Variants in ALG9 observed in about 807,000 individuals in gnomAD.
ALG9 encodes the protein ALG9 alpha-1,2-mannosyltransferase.
Under a neutral mutation model 81.8 loss-of-function variants are expected in ALG9, and 55 were observed. That is an observed-to-expected ratio of 0.67 (90% CI 0.54 to 0.84). ALG9 has a LOEUF of 0.84. ALG9 is among the 40% of genes least tolerant of loss of function. The pLI, the probability that ALG9 is intolerant of heterozygous loss-of-function variation, is 0.00. For missense variants in ALG9, 629 were observed against 745.0 expected, an observed-to-expected ratio of 0.84 and a Z score of 1.81; for synonymous variants, 278 against 274.3, an observed-to-expected ratio of 1.01 and a Z score of -0.13.
chr11:111,830,546 G>A (rs623491), intron 13 of ALG9, among the ~76,000 whole-genome samples: 97,295 of 152,040 alleles, frequency 0.64, 31,194 homozygotes, highest in East Asian at 0.77. Flanking sequence ...TAACTTTAGA[G>A]AAGTATTTTG....
chr11:111,840,952 T>G (rs1239916853), intron 9 of ALG9, 143 bp from the exon 10 acceptor site: 6 of 979,600 alleles, frequency 6.1e-6, no homozygotes, highest in Non-Finnish European at 9.3e-6. Context: ...TCACACTTTC[T>G]CCAATGCCAT....
intron 5 of ALG9, among the ~76,000 whole-genome samples, chr11:111,860,312 A>G (rs530630632): frequency 6.6e-6 from 1 of 152,342 alleles, no homozygotes; most frequent in South Asian, 2.1e-4. Context: ...TTACCTGCAA[A>G]AGTGAGAAAA....
At chr11:111,780,587 GGGTTTCACCGTGTA>G (rs1945878763), downstream of ALG9, among the ~76,000 whole-genome samples, 1 of 151,830 alleles carries the variant, frequency 6.6e-6, no homozygotes, top group African/African-American at 2.4e-5. Context: ...GTAGAGATGG[GGGTTTCACCGTGTA>G]GGCCAGGCTG....
At chr11:111,867,358 G>A (rs1009565315) in intron 3 of ALG9, among the ~76,000 whole-genome samples, 5 of 152,128 alleles carry the variant, frequency 3.3e-5, no homozygotes, top group Non-Finnish European at 7.3e-5. Flanking sequence ...ACAGTCCATC[G>A]ATAGATTCCA....
downstream of ALG9, among the ~76,000 whole-genome samples, chr11:111,781,170 A>G (rs1945914714): frequency 6.6e-6 from 1 of 152,248 alleles, no homozygotes; most frequent in Non-Finnish European, 1.5e-5. Flanking sequence ...TGGGAGAAAT[A>G]AATCAAACCA....
At chr11:111,865,363 T>C in intron 3 of ALG9, 112 bp from the exon 4 acceptor site, 1 of 809,712 alleles carries the variant, frequency 1.2e-6, no homozygotes, top group South Asian at 1.7e-5. Context: ...GGTATAATTC[T>C]TTTGAAAAGC....
chr11:111,809,554 T>G, intron 14 of ALG9, 89 bp downstream of exon 14: 3 of 1,503,234 alleles, frequency 2.0e-6, no homozygotes, highest in Non-Finnish European at 1.8e-6. Context: ...GCTACTAGAG[T>G]CAACCCAGGA....
At position 111,786,020 on chromosome 11, in the gene ALG9, G is replaced by A; in HGVS notation, c.*377C>T. 1 of 457,546 alleles carries A rather than the reference G, an allele frequency of 2.2e-6. No homozygotes were observed. The highest frequency in any genetic ancestry group is 1.5e-5 in the South Asian group (1 of 64,588). 28.3% of individuals were successfully genotyped at this position (457,546 alleles called of 1,614,324 possible). On this transcript the variant is annotated 3_prime_UTR_variant, in exon 15 of 15. Coordinates refer to ENST00000616540, the MANE Select transcript of ALG9 (RefSeq NM_024740.2). ...TTCTCAGATGCCAGGCCAGAGTGTG[G>A]AGAACAGCTTATCACAGCCATCCAG...
chr11:111,865,066 C>T (rs782215333), intron 4 of ALG9, 115 bp downstream of exon 4: 48 of 821,856 alleles, frequency 5.8e-5, no homozygotes, highest in Non-Finnish European at 8.1e-5. Context: ...TGTGAGCCAC[C>T]GCACCCGGTC....
At chr11:111,839,474 A>G (rs1326377761) in intron 10 of ALG9, among the ~76,000 whole-genome samples, 3 of 150,742 alleles carry the variant, frequency 2.0e-5, no homozygotes, top group Non-Finnish European at 4.4e-5. Flanking sequence ...AGTCCCAGCT[A>G]CCCGGGGGAC....
intron 14 of ALG9, chr11:111,788,589 T>A (rs970385538): frequency 1.8e-5 from 7 of 387,548 alleles, no homozygotes; most frequent in African/African-American, 4.2e-5. Context: ...CAAAAAATGT[T>A]TAAAAATTAG....
intron 8 of ALG9, among the ~76,000 whole-genome samples, chr11:111,847,985 A>C (rs1167153002): frequency 6.6e-6 from 1 of 152,176 alleles, no homozygotes; most frequent in African/African-American, 2.4e-5. Flanking sequence ...TTCTCTGGTA[A>C]AGTCTCAGTA....
chr11:111,797,737 A>G (rs558482686), intron 14 of ALG9, among the ~76,000 whole-genome samples: 9 of 152,310 alleles, frequency 5.9e-5, no homozygotes, highest in East Asian at 3.9e-4. Flanking sequence ...AAAAATGAAT[A>G]TAAGTGCAAT....
chr11:111,822,809 G>C (rs1555105231), intron 13 of ALG9, among the ~76,000 whole-genome samples: 1 of 152,134 alleles, frequency 6.6e-6, no homozygotes, highest in Non-Finnish European at 1.5e-5. Context: ...GATCACCTGA[G>C]GTTGGGAGTT....
At chr11:111,795,574 G>A (rs1296439190) in intron 14 of ALG9, among the ~76,000 whole-genome samples, 2 of 152,224 alleles carry the variant, frequency 1.3e-5, no homozygotes, top group Non-Finnish European at 2.9e-5. Flanking sequence ...ACTTTCAGCA[G>A]GCATGTTCAA....
At chr11:111,866,601 T>G (rs969444439) in intron 3 of ALG9, among the ~76,000 whole-genome samples, 18 of 151,970 alleles carry the variant, frequency 1.2e-4, no homozygotes, top group African/African-American at 4.4e-4. Flanking sequence ...AGAGAAATCT[T>G]GCTTTCCATT....
At position 111,809,517 on chromosome 11, in the gene ALG9, T is replaced by TACACACACACAC. The variant is rs4026119; in HGVS notation, c.1733+114_1733+125dup. The TACACACACACAC allele has an allele frequency of 5.4e-3, 5,090 of 940,208 alleles. 12 individuals carry two copies. The highest frequency in any genetic ancestry group is 0.015 in the Middle Eastern group (54 of 3,502). The allele number at this position is 940,208 out of a possible 1,614,324, so 58.2% of individuals were successfully genotyped here. A position where few individuals can be genotyped will look rare whatever the true frequency, so the allele number is the denominator to read the frequency against. The stretch of plus-strand genomic sequence containing the variant: ...CCTGGGCAACAGAGTGAGACTCCAT[T>TACACACACACAC]ACACACACACACACACACACACGAT... On this transcript the variant is annotated intron_variant, in intron 14 of 14. Transcript: ENST00000616540.
At chr11:111,843,726 C>CA in intron 9 of ALG9, among the ~76,000 whole-genome samples, 1 of 152,154 alleles carries the variant, frequency 6.6e-6, no homozygotes, top group East Asian at 1.9e-4. Flanking sequence ...CTTGAGAAAA[C>CA]ACCAGCTGTG....
intron 4 of ALG9, chr11:111,864,587 T>C (rs1232961370): frequency 5.8e-6 from 3 of 520,098 alleles, no homozygotes; most frequent in African/African-American, 3.9e-5. Flanking sequence ...TACGAACTTC[T>C]AGTTTCATCA....
Sources: gnomAD v4.1 joint callset for allele counts (sites outside exome capture counted in the v4.1 genomes callset) on GRCh38, gnomAD v4.1.1 for gene constraint, MANE v1.5 for transcripts, NCBI Gene and HGNC (gene_info 2026-07-23, HGNC 2026-07-21) for gene names.